TPM4: variants seen among roughly 807,000 people sequenced by gnomAD.
TPM4 encodes tropomyosin alpha-4 chain.
Under a neutral mutation model 35.8 loss-of-function variants are expected in TPM4, and 17 were observed. The ratio of observed to expected loss-of-function variants is 0.47; its 90% CI spans 0.32 to 0.71. The LOEUF is 0.71. Ranked by LOEUF, TPM4 falls within the 30% of genes least tolerant of loss-of-function variation. The probability of loss-of-function intolerance (pLI) is 0.03; values close to 1 mark genes in which losing one functional copy is unlikely to be tolerated. For synonymous variants in TPM4, 120 were observed against 122.9 expected (o/e 0.98, Z 0.15); for missense variants, 240 against 320.9 (o/e 0.75, Z 1.93).
chr19:16,070,615 C>T lies in TPM4; in HGVS notation c.114+2877C>T, dbSNP rs148463162. 2.6e-5 allele frequency among the ~76,000 whole-genome samples: 4 copies of T among 152,336 alleles called. No individual in the cohort carries two copies. Among genetic ancestry groups the T allele is most frequent in the Admixed American group, 6.5e-5 (1 of 15,304 alleles). ...TGAGATACGGAAGTGACAGTAGGGC[C>T]TCCCTTGCCACCCCATGACAGGATT... On this transcript the variant is annotated intron_variant, in intron 2 of 2. Coordinates refer to the TPM4 transcript ENST00000589897. This position sits in a 1 kb window ranked among gnomAD's most constrained non-coding sequence, Gnocchi z 7.4.
rs534946699 is a variant in TPM4 at position 16,078,048 on chromosome 19, CAAGCG to C, written c.132+1352_132+1356del. 185 of 397,454 alleles carry C rather than the reference CAAGCG, an allele frequency of 4.7e-4. 1 individual carries two copies. The highest frequency in any genetic ancestry group is 3.0e-3 in the African/African-American group (147 of 48,658). 24.6% of individuals were successfully genotyped at this position (397,454 alleles called of 1,614,324 possible). ...TTGGCCTCCCAAAGTTCTGGGATTA[CAAGCG>C]TGAGCCACGGCGCCCAGCCTCAATT... On this transcript the variant is annotated intron_variant, in intron 1 of 7. Transcript: ENST00000643579.
upstream of TPM4, among the ~76,000 whole-genome samples, chr19:16,072,866 C>T (rs995215002): frequency 1.3e-5 from 2 of 152,120 alleles, no homozygotes; most frequent in African/African-American, 4.8e-5. Flanking sequence ...GAGATCCAGC[C>T]ACTACACTCC....
Position 16,076,529 on chromosome 19 carries a change from G to A in TPM4, c.-37G>A, listed in dbSNP as rs893338791. 1 of 1,407,638 alleles carries A rather than the reference G, an allele frequency of 7.1e-7. No individual in the cohort carries two copies. The highest frequency in any genetic ancestry group is 1.5e-5 in the African/African-American group (1 of 66,458). The allele number at this position is 1,407,638 out of a possible 1,614,324, so 87.2% of individuals were successfully genotyped here. ...TCGCCGGAGCCGAGCCCAGCCGAGCGTCCGCCGCTGCCCGTGCGCCTCTGC... is the reference window on the plus strand; with the variant it reads ...TCGCCGGAGCCGAGCCCAGCCGAGCATCCGCCGCTGCCCGTGCGCCTCTGC... On this transcript the variant is annotated 5_prime_UTR_variant, in exon 1 of 8. Coordinates refer to ENST00000643579, the MANE Select transcript of TPM4 (RefSeq NM_003290.3).
chr19:16,096,574 C>G (rs1404940265), intron 7 of TPM4, among the ~76,000 whole-genome samples: 1 of 152,170 alleles, frequency 6.6e-6, no homozygotes, highest in Non-Finnish European at 1.5e-5. Flanking sequence ...TGTCTTTTCT[C>G]TGTGTTACAC....
In TPM4 at chr19:16,101,421, C is replaced by G. The variant is rs1180913821; in HGVS notation, c.*75C>G. The stretch of plus-strand genomic sequence containing the variant: ...CTTTCTCTTCTCTTGTAAGAAGTTC[C>G]TTTTGTTATTGCCATCTTCGCTTTG... On this transcript the variant is annotated 3_prime_UTR_variant, in exon 8 of 8. Transcript: ENST00000643579. 8.8e-7 allele frequency: 1 copy of G among 1,139,322 alleles called. No homozygotes were observed. Among genetic ancestry groups the G allele is most frequent in the African/African-American group, 1.6e-5 (1 of 62,504 alleles). The allele number at this position is 1,139,322 out of a possible 1,614,324, so 70.6% of individuals were successfully genotyped here.
At position 16,076,652 on chromosome 19, in the gene TPM4, G is replaced by A. The variant is rs2090410432; in HGVS notation, c.87G>A (p.Gln29=). 2.1e-6 allele frequency: 3 copies of A among 1,435,788 alleles called. No homozygotes were observed. The highest frequency in any genetic ancestry group is 2.7e-6 in the Non-Finnish European group (3 of 1,099,018). 88.9% of individuals were successfully genotyped at this position (1,435,788 alleles called of 1,614,324 possible). A position where few individuals can be genotyped will look rare whatever the true frequency, so the allele number is the denominator to read the frequency against. The part of the protein sequence containing the change: ...QQADEAEDRA[Q]GLQRELDGER... Reference sequence around the variant, plus strand: ...CGGACGAGGCGGAAGACCGCGCGCAGGGCCTGCAGCGGGAGCTGGACGGCG... The same window carrying A: ...CGGACGAGGCGGAAGACCGCGCGCAAGGCCTGCAGCGGGAGCTGGACGGCG... Residue 29 remains glutamine, a synonymous_variant, in exon 1 of 8, where the codon CAG becomes CAA. Coordinates refer to ENST00000643579, the MANE Select transcript of TPM4 (RefSeq NM_003290.3).
chr19:16,086,525 C>T lies in TPM4; in HGVS notation c.369C>T (p.Asp123=), dbSNP rs1047128517. ...KEAKHIAEEA[D]RKYEEVARKL... ...CCAAGCACATTGCGGAAGAGGCTGA[C>T]CGCAAATACGAGGAGGTGAGTGGGG... Residue 123 remains aspartate (D), a synonymous_variant, in exon 3 of 8, where the codon GAC becomes GAT. Transcript: ENST00000643579. 14 of 1,613,056 alleles carry T rather than the reference C, an allele frequency of 8.7e-6. No individual in the cohort carries two copies. Among genetic ancestry groups the T allele is most frequent in the African/African-American group, 2.7e-5 (2 of 74,846 alleles).
rs941649581 is a variant in TPM4, at chr19:16,076,628, G to T, written c.63G>T (p.Ala21=). 4.1e-6 allele frequency: 6 copies of T among 1,459,782 alleles called. No individual in the cohort carries two copies. Among genetic ancestry groups the T allele is most frequent in the Non-Finnish European group, 5.4e-6 (6 of 1,112,040 alleles). 90.4% of individuals were successfully genotyped at this position (1,459,782 alleles called of 1,614,324 possible). A position where few individuals can be genotyped will look rare whatever the true frequency, so the allele number is the denominator to read the frequency against. Residue 21 remains alanine (A), a synonymous_variant, in exon 1 of 8, where the codon GCG becomes GCT. Coordinates refer to ENST00000643579, the MANE Select transcript of TPM4 (RefSeq NM_003290.3). ...KRKIQALQQQ[A]DEAEDRAQGL... ...AGATCCAGGCCCTGCAGCAGCAGGC[G>T]GACGAGGCGGAAGACCGCGCGCAGG...
intron 7 of TPM4, chr19:16,100,520 A>T (rs1282937296): frequency 2.0e-5 from 3 of 152,220 alleles, no homozygotes; most frequent in Non-Finnish European, 4.4e-5. Flanking sequence ...GCTGTAATTA[A>T]AAATACAAAG....
At chr19:16,082,849 G>A (rs931983744) in intron 2 of TPM4, among the ~76,000 whole-genome samples, 11 of 151,900 alleles carry the variant, frequency 7.2e-5, no homozygotes, top group Non-Finnish European at 1.3e-4. Flanking sequence ...AAAATTAGCC[G>A]GGTGTGGTGG....
chr19:16,101,934 T>A lies in TPM4; in HGVS notation c.*588T>A. Reference sequence around the variant, plus strand: ...CACTCTCCACCATGCAGGACAAACATCTTCTCAAGCAGTCAACGTAGAATG... The same window carrying A: ...CACTCTCCACCATGCAGGACAAACAACTTCTCAAGCAGTCAACGTAGAATG... On this transcript the variant is annotated 3_prime_UTR_variant, in exon 8 of 8. Coordinates refer to ENST00000643579, the MANE Select transcript of TPM4 (RefSeq NM_003290.3). 1 of 224,892 alleles carries A rather than the reference T, an allele frequency of 4.4e-6. No individual in the cohort carries two copies. The highest frequency in any genetic ancestry group is 6.5e-5 in the East Asian group (1 of 15,498). 13.9% of individuals were successfully genotyped at this position (224,892 alleles called of 1,614,324 possible).
chr19:16,075,948 G>C, upstream of TPM4: 1 of 1,471,250 alleles, frequency 6.8e-7, no homozygotes, highest in Non-Finnish European at 9.0e-7. Flanking sequence ...CCCAGAGAGA[G>C]ACGGAGGACT....
At position 16,101,948 on chromosome 19, in the gene TPM4, C is replaced by A. The variant is rs2090767322; in HGVS notation, c.*602C>A. 1 of 223,644 alleles carries A rather than the reference C, an allele frequency of 4.5e-6. No homozygotes were observed. Among genetic ancestry groups the A allele is most frequent in the Admixed American group, 5.7e-5 (1 of 17,450 alleles). The allele number at this position is 223,644 out of a possible 1,614,324, so 13.9% of individuals were successfully genotyped here. ...CAGGACAAACATCTTCTCAAGCAGT[C>A]AACGTAGAATGCTTGGGAAATAGTC... On this transcript the variant is annotated 3_prime_UTR_variant, in exon 8 of 8. Transcript: ENST00000643579.
chr19:16,097,073 C>G (rs1247060349), intron 7 of TPM4, among the ~76,000 whole-genome samples: 2 of 147,900 alleles, frequency 1.4e-5, no homozygotes, highest in Non-Finnish European at 3.0e-5. Context: ...CATGCCTCAG[C>G]CTCCCGAGTA....
intron 5 of TPM4, 113 bp downstream of exon 5, chr19:16,089,233 G>A: frequency 7.2e-7 from 1 of 1,395,832 alleles, no homozygotes; most frequent in South Asian, 1.3e-5. Flanking sequence ...TTTAACAGTA[G>A]CGTTGGTGCC....
At chr19:16,098,666 C>T (rs1230944609) in intron 7 of TPM4, among the ~76,000 whole-genome samples, 1 of 151,944 alleles carries the variant, frequency 6.6e-6, no homozygotes, top group Non-Finnish European at 1.5e-5. Flanking sequence ...TAAGGCCTGG[C>T]GCAGTGGCTC....
At chr19:16,090,924 C>G (rs889551066) in intron 5 of TPM4, among the ~76,000 whole-genome samples, 3 of 151,182 alleles carry the variant, frequency 2.0e-5, no homozygotes, top group African/African-American at 7.3e-5. Context: ...GCCTCTGTCT[C>G]CCATATGTGC....
At chr19:16,082,944 A>G (rs1227172394) in intron 2 of TPM4, among the ~76,000 whole-genome samples, 1 of 142,138 alleles carries the variant, frequency 7.0e-6, no homozygotes, top group Non-Finnish European at 1.5e-5. Context: ...GTGAGGCAAG[A>G]TTGTGCCACT....
chr19:16,069,479 G>C (rs1177421293), intron 2 of TPM4, among the ~76,000 whole-genome samples: 11 of 2,794 alleles, frequency 3.9e-3, no homozygotes, highest in Non-Finnish European at 6.5e-3. Flanking sequence ...GTATGGATGA[G>C]TGTGTGTTTC....
Sources: gnomAD v4.1 joint callset for allele counts (sites outside exome capture counted in the v4.1 genomes callset) on GRCh38, gnomAD v4.1.1 for gene constraint, Gnocchi (gnomAD v3.1) non-coding constraint, MANE v1.5 for transcripts, NCBI Gene and HGNC (gene_info 2026-07-23, HGNC 2026-07-21) for gene names.